DSCAM: variants seen among roughly 807,000 people sequenced by gnomAD.
DSCAM encodes DS cell adhesion molecule.
A neutral mutation model predicts 217.7 loss-of-function variants in DSCAM; 47 were observed. The observed-to-expected ratio is 0.22, with a 90% CI of 0.17 to 0.28. DSCAM has a LOEUF of 0.28. Ranked by LOEUF, DSCAM falls within the 10% of genes least tolerant of loss-of-function variation. DSCAM has a pLI of 1.00. For synonymous variants in DSCAM, 1,056 were observed against 1,015.3 expected, an observed-to-expected ratio of 1.04 and a Z score of -0.76; for missense variants, 2,080 against 2,618.3, an observed-to-expected ratio of 0.79 and a Z score of 4.49.
At chr21:40,758,721 T>C (rs1043187377) in intron 1 of DSCAM, among the ~76,000 whole-genome samples, 2 of 152,190 alleles carry the variant, frequency 1.3e-5, no homozygotes, top group Admixed American at 1.3e-4. Context: ...GCTTGGTTTC[T>C]TGGGGAAGCT....
Position 40,792,053 on chromosome 21 carries a change from G to A in DSCAM, c.43+54566C>T, listed in dbSNP as rs1000111625. Among the ~76,000 whole-genome samples, 90 of 151,376 alleles carry A rather than the reference G, an allele frequency of 5.9e-4. 1 individual carries two copies. The highest frequency in any genetic ancestry group is 2.1e-3 in the African/African-American group (88 of 41,158). On this transcript the variant is annotated intron_variant, in intron 1 of 32. Transcript: ENST00000400454. ...GTTTGGAGGTAGGTTTTTTCCTGAG[G>A]TTTATATATGGTCGTCTTCCTCCGC...
intron 20 of DSCAM, among the ~76,000 whole-genome samples, chr21:40,111,364 C>T (rs1038398116): frequency 2.6e-5 from 4 of 151,524 alleles, no homozygotes; most frequent in African/African-American, 9.7e-5. Context: ...CAAGCAAATG[C>T]TGAGAGATTT....
rs1413535386 is a variant in DSCAM at position 40,640,829 on chromosome 21, C to T, written c.508+51981G>A. Among the ~76,000 whole-genome samples, 4 of 151,382 alleles carry T rather than the reference C, an allele frequency of 2.6e-5. No individual in the cohort carries two copies. In the Admixed American group the frequency reaches 2.7e-4, roughly 10 times the overall value. ...TCCCCTTTCCTCTCTGCCACACTCA[C>T]ACCCCACACACACAAAAACACCACA... On this transcript the variant is annotated intron_variant, in intron 3 of 32. Coordinates refer to ENST00000400454, the MANE Select transcript of DSCAM (RefSeq NM_001389.5).
chr21:40,652,345 AAC>A (rs144770552), intron 3 of DSCAM, among the ~76,000 whole-genome samples: 16,425 of 59,002 alleles, frequency 0.28, 999 homozygotes, highest in East Asian at 0.51. Context: ...CAACAACAAC[AAC>A]AAAAAAAAAA....
intron 3 of DSCAM, among the ~76,000 whole-genome samples, chr21:40,610,989 A>G (rs1385306768): frequency 2.0e-5 from 3 of 152,186 alleles, no homozygotes; most frequent in East Asian, 1.9e-4. Context: ...TGTGAACTGC[A>G]TATGTGGTTT....
At chr21:40,739,662 C>T (rs922136213) in intron 1 of DSCAM, among the ~76,000 whole-genome samples, 6 of 152,212 alleles carry the variant, frequency 3.9e-5, no homozygotes, top group Middle Eastern at 3.4e-3. Flanking sequence ...AGTCACATCC[C>T]GAGGTACTGG....
At chr21:40,014,978 A>G (rs80268280) in intron 32 of DSCAM, among the ~76,000 whole-genome samples, 11,993 of 152,168 alleles carry the variant, frequency 0.079, 656 homozygotes, top group Non-Finnish European at 0.12. Context: ...GGTCTTCCAG[A>G]TCTCTGCCTA....
At chr21:40,625,397 C>T (rs963066574) in intron 3 of DSCAM, among the ~76,000 whole-genome samples, 3 of 152,126 alleles carry the variant, frequency 2.0e-5, no homozygotes, top group South Asian at 4.1e-4. Flanking sequence ...ATGGAAGAGT[C>T]GCTCAACAAA....
chr21:40,367,069 C>T (rs1380827763), intron 4 of DSCAM, among the ~76,000 whole-genome samples: 1 of 152,088 alleles, frequency 6.6e-6, no homozygotes, highest in Non-Finnish European at 1.5e-5. Context: ...TGAGTACTTC[C>T]ACTATCTTCA....
intron 11 of DSCAM, among the ~76,000 whole-genome samples, chr21:40,191,925 C>T (rs1010855986): frequency 6.6e-6 from 1 of 152,150 alleles, no homozygotes; most frequent in Non-Finnish European, 1.5e-5. Flanking sequence ...AGGACCTACC[C>T]TAATGCAGTA....
intron 1 of DSCAM, among the ~76,000 whole-genome samples, chr21:40,729,639 A>G (rs2090992192): frequency 6.6e-6 from 1 of 152,212 alleles, no homozygotes; most frequent in Non-Finnish European, 1.5e-5. Context: ...GTCTTTGGTT[A>G]TAACATTTAT....
intron 3 of DSCAM, among the ~76,000 whole-genome samples, chr21:40,400,851 T>C (rs1184860697): frequency 6.6e-6 from 1 of 152,268 alleles, no homozygotes; most frequent in Non-Finnish European, 1.5e-5. Context: ...GCATTAGTCA[T>C]TTATAGTTCA....
At chr21:40,343,643 T>TACAC (rs570665164) in intron 6 of DSCAM, among the ~76,000 whole-genome samples, 1 of 150,860 alleles carries the variant, frequency 6.6e-6, no homozygotes, top group African/African-American at 2.4e-5. Flanking sequence ...CCAATTGATT[T>TACAC]ACACACACAC....
chr21:40,819,472 T>C (rs2091909336), intron 1 of DSCAM, among the ~76,000 whole-genome samples: 1 of 152,350 alleles, frequency 6.6e-6, no homozygotes, highest in South Asian at 2.1e-4. Context: ...TGGTTGTGTA[T>C]ACGTTCCCAA....
chr21:40,107,842 T>G (rs1245801165), intron 20 of DSCAM, among the ~76,000 whole-genome samples: 2 of 152,220 alleles, frequency 1.3e-5, no homozygotes, highest in Non-Finnish European at 2.9e-5. Flanking sequence ...AAACTAGGAT[T>G]GCAACCCCTG....
At chr21:40,573,810 C>T (rs1355202283) in intron 3 of DSCAM, among the ~76,000 whole-genome samples, 1 of 152,042 alleles carries the variant, frequency 6.6e-6, no homozygotes, top group Admixed American at 6.5e-5. Flanking sequence ...AGCATCTCTC[C>T]AGGTTCTACA....
intron 11 of DSCAM, among the ~76,000 whole-genome samples, chr21:40,242,322 G>T (rs895275856): frequency 6.6e-6 from 1 of 152,228 alleles, no homozygotes; most frequent in African/African-American, 2.4e-5. Context: ...TACCTTCTGA[G>T]CACCTGGGAA....
chr21:40,338,235 T>C lies in DSCAM; in HGVS notation c.1649A>G (p.Gln550Arg). The change falls in exon 8 of 33, where the codon CAA (glutamine) becomes CGA (arginine). Residue 550 changes from glutamine to arginine, a missense_variant. Physicochemically the swap from Gln to Arg is conservative, Grantham distance 43. Coordinates refer to ENST00000400454, the MANE Select transcript of DSCAM (RefSeq NM_001389.5). ...NSNLLPFNHR[Q>R]VAFENNGTLK... The stretch of plus-strand genomic sequence containing the variant: ...AGTTCCATTGTTCTCAAATGCCACT[T>C]GGCGGTGGTTGAAAGGAAGCAGGTT... The C allele has an allele frequency of 6.2e-7, 1 of 1,614,248 alleles. No individual in the cohort carries two copies. The highest frequency in any genetic ancestry group is 8.5e-7 in the Non-Finnish European group (1 of 1,180,040).
At chr21:40,484,940 C>A (rs2076012510) in intron 3 of DSCAM, among the ~76,000 whole-genome samples, 1 of 152,196 alleles carries the variant, frequency 6.6e-6, no homozygotes, top group Non-Finnish European at 1.5e-5. Context: ...CCTGCTCTGT[C>A]ATGGAGGTCA....
Sources: gnomAD v4.1 joint callset for allele counts (sites outside exome capture counted in the v4.1 genomes callset) on GRCh38, gnomAD v4.1.1 for gene constraint, MANE v1.5 for transcripts, NCBI Gene and HGNC (gene_info 2026-07-23, HGNC 2026-07-21) for gene names.